Variants in FAM13C observed in about 807,000 individuals in gnomAD.
The protein encoded by FAM13C is family with sequence similarity 13 member C.
FAM13C carries 37 observed loss-of-function variants against 73.2 expected under a neutral mutation model. The ratio of observed to expected loss-of-function variants is 0.51; its 90% CI spans 0.39 to 0.67. The LOEUF (loss-of-function observed/expected upper bound fraction) is 0.67. FAM13C is among the 30% of genes least tolerant of loss of function. The probability of loss-of-function intolerance (pLI) is 0.00; values close to 1 mark genes in which losing one functional copy is unlikely to be tolerated. For missense variants in FAM13C, 589 were observed against 715.6 expected, an observed-to-expected ratio of 0.82 and a Z score of 2.02; for synonymous variants, 246 against 260.9, an observed-to-expected ratio of 0.94 and a Z score of 0.55.
Position 59,362,482 on chromosome 10 carries a change from C to G in FAM13C, c.-22G>C, listed in dbSNP as rs1329422016. 2 of 1,610,878 alleles carry G rather than the reference C, an allele frequency of 1.2e-6. No homozygotes were observed. Among genetic ancestry groups the G allele is most frequent in the Non-Finnish European group, 1.7e-6 (2 of 1,178,446 alleles). Reference sequence around the variant, plus strand: ...ACATCAGCCAAGTCTGGCCGGGGAGCCGTCTCCCTGATTGCTCTCCGGGAG... The same window carrying G: ...ACATCAGCCAAGTCTGGCCGGGGAGGCGTCTCCCTGATTGCTCTCCGGGAG... On this transcript the variant is annotated 5_prime_UTR_variant, in exon 1 of 14. Transcript: ENST00000618804.
At chr10:59,349,119 C>A (rs962473820) in intron 3 of FAM13C, among the ~76,000 whole-genome samples, 4 of 152,160 alleles carry the variant, frequency 2.6e-5, no homozygotes, top group Non-Finnish European at 5.9e-5. Flanking sequence ...ACATTACGTG[C>A]TATGCTTATT....
At chr10:59,326,363 T>C (rs1027615225) in intron 3 of FAM13C, among the ~76,000 whole-genome samples, 1 of 151,984 alleles carries the variant, frequency 6.6e-6, no homozygotes, top group African/African-American at 2.4e-5. Flanking sequence ...AACCTCAAGA[T>C]GGTATGGAGA....
chr10:59,246,864 T>C lies in FAM13C; in HGVS notation c.*750A>G. Reference sequence around the variant, plus strand: ...TTAGATTATATACTACAGACACATATCTATCCAAAATACCTATTTTAAATT... The same window carrying C: ...TTAGATTATATACTACAGACACATACCTATCCAAAATACCTATTTTAAATT... On this transcript the variant is annotated 3_prime_UTR_variant, in exon 14 of 14. Coordinates refer to ENST00000618804, the MANE Select transcript of FAM13C (RefSeq NM_198215.4). The C allele has an allele frequency of 2.7e-6, 1 of 375,418 alleles. No homozygotes were observed. The highest frequency in any genetic ancestry group is 4.7e-6 in the Non-Finnish European group (1 of 211,862). 23.3% of individuals were successfully genotyped at this position (375,418 alleles called of 1,614,324 possible).
intron 6 of FAM13C, among the ~76,000 whole-genome samples, chr10:59,276,566 C>A (rs944575907): frequency 6.6e-6 from 1 of 152,122 alleles, no homozygotes; most frequent in Non-Finnish European, 1.5e-5. Context: ...TCCCAAATCA[C>A]CCAAGTAGCA....
At chr10:59,283,023 A>T (rs982168413) in intron 6 of FAM13C, among the ~76,000 whole-genome samples, 2 of 152,164 alleles carry the variant, frequency 1.3e-5, no homozygotes, top group Admixed American at 6.5e-5. Context: ...CAGGTTATCT[A>T]GGTCCAGTAA....
chr10:59,290,934 T>G (rs2133771495), intron 5 of FAM13C, among the ~76,000 whole-genome samples: 1 of 152,292 alleles, frequency 6.6e-6, no homozygotes, highest in South Asian at 2.1e-4. Context: ...AACCTTAAAG[T>G]GCTTAAAAAT....
rs73298120 is a variant in FAM13C at position 59,254,020 on chromosome 10, T to C, written c.1332+328A>G. The C allele has an allele frequency of 5.8e-3, 1,808 of 312,440 alleles. 31 individuals are homozygous for C. Among genetic ancestry groups the C allele is most frequent in the African/African-American group, 0.035 (1,640 of 47,264 alleles). The allele number at this position is 312,440 out of a possible 1,614,324, so 19.4% of individuals were successfully genotyped here. A position where few individuals can be genotyped will look rare whatever the true frequency, so the allele number is the denominator to read the frequency against. Reference sequence around the variant, plus strand: ...ACCAACACACAGAACAGAAAGGCTCTGTTTTGTCTAGCTGTGTTACAAATT... The same window carrying C: ...ACCAACACACAGAACAGAAAGGCTCCGTTTTGTCTAGCTGTGTTACAAATT... On this transcript the variant is annotated intron_variant, in intron 11 of 13. Transcript: ENST00000618804.
intron 5 of FAM13C, chr10:59,301,209 T>C (rs117821531): frequency 2.0e-5 from 3 of 152,314 alleles, no homozygotes; most frequent in Non-Finnish European, 4.4e-5. Flanking sequence ...TAACAGAAAC[T>C]GTGTGAAAGA....
At chr10:59,341,892 C>T (rs922102574) in intron 3 of FAM13C, among the ~76,000 whole-genome samples, 1 of 152,102 alleles carries the variant, frequency 6.6e-6, no homozygotes, top group African/African-American at 2.4e-5. Context: ...TAAAATGATG[C>T]TTAAAATAGT....
At chr10:59,348,880 C>T (rs941130317) in intron 3 of FAM13C, among the ~76,000 whole-genome samples, 2 of 152,170 alleles carry the variant, frequency 1.3e-5, no homozygotes, top group Non-Finnish European at 2.9e-5. Flanking sequence ...GTGATCCACC[C>T]GCCTCGGTCT....
chr10:59,345,955 T>C (rs1854237945), intron 3 of FAM13C, among the ~76,000 whole-genome samples: 1 of 152,224 alleles, frequency 6.6e-6, no homozygotes, highest in Non-Finnish European at 1.5e-5. Flanking sequence ...ATTCATGCTT[T>C]AGACACACTG....
At chr10:59,256,781 T>C (rs1248223231) in intron 10 of FAM13C, among the ~76,000 whole-genome samples, 3 of 152,198 alleles carry the variant, frequency 2.0e-5, no homozygotes, top group Non-Finnish European at 2.9e-5. Flanking sequence ...AGGTAAGCTC[T>C]GCAGGATACC....
intron 6 of FAM13C, among the ~76,000 whole-genome samples, chr10:59,272,157 C>G (rs1355506135): frequency 6.6e-6 from 1 of 152,200 alleles, no homozygotes; most frequent in Non-Finnish European, 1.5e-5. Flanking sequence ...TATATGGCAT[C>G]TGTTTTCCCT....
In FAM13C at chr10:59,266,060, A is replaced by T. The variant is rs139285096; in HGVS notation, c.943-1894T>A. On this transcript the variant is annotated intron_variant, in intron 8 of 13. Coordinates refer to ENST00000618804, the MANE Select transcript of FAM13C (RefSeq NM_198215.4). Reference sequence around the variant, plus strand: ...AAGACACATTAGAAAAATTACTGGGAGGGTTATAAAAAGACCTCAGTTGCT... The same window carrying T: ...AAGACACATTAGAAAAATTACTGGGTGGGTTATAAAAAGACCTCAGTTGCT... Among the ~76,000 whole-genome samples the T allele has an allele frequency of 2.2e-3, 338 of 152,264 alleles. 1 individual carries two copies. The highest frequency in any genetic ancestry group is 7.7e-3 in the African/African-American group (321 of 41,552).
intron 8 of FAM13C, 79 bp from the exon 9 acceptor site, chr10:59,264,245 AC>A: frequency 9.5e-7 from 1 of 1,052,336 alleles, no homozygotes; most frequent in Non-Finnish European, 1.4e-6. Flanking sequence ...AAAAGGAAAA[AC>A]AAAATTTTTA....
chr10:59,313,256 T>A (rs947219260), intron 4 of FAM13C, among the ~76,000 whole-genome samples: 2 of 152,212 alleles, frequency 1.3e-5, no homozygotes, highest in Non-Finnish European at 2.9e-5. Context: ...TTCAATTTTT[T>A]AAGCTAAGCA....
intron 5 of FAM13C, among the ~76,000 whole-genome samples, chr10:59,300,264 T>C (rs1178426870): frequency 6.6e-6 from 1 of 152,210 alleles, no homozygotes; most frequent in East Asian, 1.9e-4. Context: ...ATGTATAAGG[T>C]ACGTAGGTAG....
chr10:59,327,835 A>G (rs1369855284), intron 3 of FAM13C: 1 of 152,206 alleles, frequency 6.6e-6, no homozygotes, highest in Non-Finnish European at 1.5e-5. Flanking sequence ...GAACTTTAAA[A>G]TCTACTGTTT....
intron 4 of FAM13C, among the ~76,000 whole-genome samples, chr10:59,310,322 C>G (rs1349923470): frequency 6.6e-6 from 1 of 152,036 alleles, no homozygotes; most frequent in African/African-American, 2.4e-5. Context: ...AAGGTATATC[C>G]CAAGAGGACA....
Sources: gnomAD v4.1 joint callset for allele counts (sites outside exome capture counted in the v4.1 genomes callset) on GRCh38, gnomAD v4.1.1 for gene constraint, MANE v1.5 for transcripts, NCBI Gene and HGNC (gene_info 2026-07-23, HGNC 2026-07-21) for gene names.